Variants in SGMS1 observed in about 807,000 individuals in gnomAD.
The protein encoded by SGMS1 is sphingomyelin synthase 1.
In SGMS1, 13 loss-of-function variants were observed where a neutral mutation model predicts 46.2. The observed-to-expected ratio is 0.28, with a 90% CI of 0.18 to 0.45. The LOEUF is 0.45. SGMS1 is among the 20% of genes least tolerant of loss of function. The pLI, the probability that SGMS1 is intolerant of heterozygous loss-of-function variation, is 1.00. For missense variants in SGMS1, 324 were observed against 519.9 expected (o/e 0.62, Z 3.66); for synonymous variants, 203 against 187.8 (o/e 1.08, Z -0.66).
intron 6 of SGMS1, among the ~76,000 whole-genome samples, chr10:50,345,452 T>C (rs1847900269): frequency 2.0e-5 from 3 of 152,158 alleles, no homozygotes; most frequent in African/African-American, 7.2e-5. Flanking sequence ...ATTTACTTAT[T>C]AAAATATTTT....
chr10:50,484,944 G>C (rs1425486039), intron 3 of SGMS1, among the ~76,000 whole-genome samples: 6 of 152,116 alleles, frequency 3.9e-5, no homozygotes, highest in African/African-American at 1.4e-4. Flanking sequence ...ACATTATACT[G>C]AATGGGCAAA....
chr10:50,479,306 G>C (rs192095801), intron 3 of SGMS1, among the ~76,000 whole-genome samples: 13 of 152,198 alleles, frequency 8.5e-5, no homozygotes, highest in Admixed American at 3.9e-4. Context: ...TTACTAGCAA[G>C]TATGATCTAA....
At chr10:50,386,356 C>T (rs750856838) in intron 6 of SGMS1, among the ~76,000 whole-genome samples, 32 of 152,068 alleles carry the variant, frequency 2.1e-4, no homozygotes, top group African/African-American at 2.7e-4. Context: ...ATAGCTTAGA[C>T]GGTAATTTAC....
chr10:50,311,440 A>T (rs781649127), intron 8 of SGMS1, 25 bp from the exon 9 acceptor site: 1 of 1,609,796 alleles, frequency 6.2e-7, no homozygotes. Flanking sequence ...GAAAAGAAGA[A>T]AAAGAAGATT....
chr10:50,562,231 G>C (rs1204736784), intron 2 of SGMS1, among the ~76,000 whole-genome samples: 1 of 152,038 alleles, frequency 6.6e-6, no homozygotes, highest in African/African-American at 2.4e-5. Context: ...GCACAAAAAT[G>C]GTTATGTGAT....
In SGMS1 at chr10:50,546,066, T is replaced by C. The variant is rs547813829; in HGVS notation, c.-588-26145A>G. Among the ~76,000 whole-genome samples, 9 of 152,258 alleles carry C rather than the reference T, an allele frequency of 5.9e-5. No homozygotes were observed. The East Asian group carries it at 9.7e-4, about 16-fold the overall frequency. On this transcript the variant is annotated intron_variant, in intron 2 of 10. Transcript: ENST00000361781. ...GGAAGTCTAAATACTTCTAAATTCCTCAGATAAGGAGTTCTGCCTCGGATA... is the reference window on the plus strand; with the variant it reads ...GGAAGTCTAAATACTTCTAAATTCCCCAGATAAGGAGTTCTGCCTCGGATA...
rs12777029 is a variant in SGMS1, at chr10:50,561,883, C to G, written c.-589+28270G>C. Among the ~76,000 whole-genome samples, 202 of 152,150 alleles carry G rather than the reference C, an allele frequency of 1.3e-3. 1 individual carries two copies. Among genetic ancestry groups the G allele is most frequent in the Non-Finnish European group, 2.2e-3 (148 of 68,002 alleles). On this transcript the variant is annotated intron_variant, in intron 2 of 10. Coordinates refer to ENST00000361781, the MANE Select transcript of SGMS1 (RefSeq NM_147156.4). The stretch of plus-strand genomic sequence containing the variant: ...AGTGGACCTCTCCCCACAGAGGACC[C>G]CAAAAGTACACCCACTACCCCACTC...
intron 2 of SGMS1, among the ~76,000 whole-genome samples, chr10:50,560,326 TATATTATTA>T (rs1014974161): frequency 2.7e-4 from 38 of 138,462 alleles, no homozygotes; most frequent in Non-Finnish European, 5.0e-4. Flanking sequence ...ATTAATATTA[TATATTATTA>T]ATATTATTAA....
intron 5 of SGMS1, among the ~76,000 whole-genome samples, chr10:50,443,096 T>G (rs762937255): frequency 6.6e-6 from 1 of 152,190 alleles, no homozygotes; most frequent in African/African-American, 2.4e-5. Context: ...TTTCCATAAA[T>G]GTATATAGGA....
At chr10:50,423,169 G>A (rs1206617887) in intron 6 of SGMS1, among the ~76,000 whole-genome samples, 1 of 152,200 alleles carries the variant, frequency 6.6e-6, no homozygotes, top group Admixed American at 6.5e-5. Context: ...CCAGCAACGG[G>A]AAAGCCACAG....
intron 2 of SGMS1, among the ~76,000 whole-genome samples, chr10:50,589,116 G>T (rs549880254): frequency 6.6e-6 from 1 of 152,222 alleles, no homozygotes; most frequent in East Asian, 1.9e-4. Context: ...CAGCCATGGC[G>T]GGGATGGGTA....
intron 3 of SGMS1, among the ~76,000 whole-genome samples, chr10:50,514,559 T>C (rs1837786028): frequency 6.6e-6 from 1 of 152,178 alleles, no homozygotes; most frequent in African/African-American, 2.4e-5. Flanking sequence ...TCTTTTGCCA[T>C]GTAAGGTAAT....
chr10:50,514,440 C>T (rs1837784644), intron 3 of SGMS1, among the ~76,000 whole-genome samples: 1 of 152,144 alleles, frequency 6.6e-6, no homozygotes. Flanking sequence ...TATGCTCTAA[C>T]CCAGCAGTGC....
intron 6 of SGMS1, among the ~76,000 whole-genome samples, chr10:50,360,013 G>C (rs1017875580): frequency 2.0e-5 from 3 of 151,800 alleles, no homozygotes; most frequent in Non-Finnish European, 4.4e-5. Context: ...ATTTAGAAGG[G>C]GAAAGGATTT....
chr10:50,398,842 TAGAC>T (rs1211855147), intron 6 of SGMS1, among the ~76,000 whole-genome samples: 2 of 152,042 alleles, frequency 1.3e-5, no homozygotes, highest in African/African-American at 4.8e-5. Flanking sequence ...CCTAATATAA[TAGAC>T]AGTTCTAGCT....
chr10:50,311,559 A>C, intron 8 of SGMS1, 144 bp from the exon 9 acceptor site: 1 of 356,498 alleles, frequency 2.8e-6, no homozygotes, highest in Non-Finnish European at 4.8e-6. Context: ...CTCAGTGTTT[A>C]CCATTCCAAG....
At chr10:50,435,295 G>A (rs1402601527) in intron 5 of SGMS1, among the ~76,000 whole-genome samples, 1 of 152,086 alleles carries the variant, frequency 6.6e-6, no homozygotes, top group Non-Finnish European at 1.5e-5. Context: ...GATGATATAT[G>A]CACTGTGTCC....
chr10:50,559,765 T>C (rs1196684426), intron 2 of SGMS1, among the ~76,000 whole-genome samples: 2 of 152,180 alleles, frequency 1.3e-5, no homozygotes, highest in Non-Finnish European at 2.9e-5. Flanking sequence ...AACAGGCACA[T>C]GGGACAAAAA....
intron 2 of SGMS1, among the ~76,000 whole-genome samples, chr10:50,523,082 G>C (rs779622186): frequency 6.6e-5 from 10 of 152,172 alleles, no homozygotes; most frequent in Non-Finnish European, 1.2e-4. Flanking sequence ...TCCCCCTCTT[G>C]TGATTCTCTT....
Sources: gnomAD v4.1 joint callset for allele counts (sites outside exome capture counted in the v4.1 genomes callset) on GRCh38, gnomAD v4.1.1 for gene constraint, MANE v1.5 for transcripts, NCBI Gene and HGNC (gene_info 2026-07-23, HGNC 2026-07-21) for gene names.